The following DACH2 variants were observed in gnomAD, a reference collection of about 807,000 sequenced individuals.
DACH2 encodes the protein dachshund family transcription factor 2.
A neutral mutation model predicts 35.8 loss-of-function variants in DACH2; 17 were observed. The observed-to-expected ratio is 0.48, with a 90% confidence interval of 0.33 to 0.71. The LOEUF is 0.71. Among genes scored for constraint, DACH2 ranks in the 30% least tolerant of loss-of-function variants. The pLI, the probability that DACH2 is intolerant of heterozygous loss-of-function variation, is 0.02. For synonymous variants in DACH2, 195 were observed against 177.3 expected (o/e 1.10, Z -0.79); for missense variants, 469 against 472.7 (o/e 0.99, Z 0.07).
At chrX:86,260,527 A>C (rs1202599850) in intron 1 of DACH2, among the ~76,000 whole-genome samples, 1 of 112,076 alleles carries the variant, frequency 8.9e-6, no homozygotes, top group Non-Finnish European at 1.9e-5. Flanking sequence ...CAAGAAGCAG[A>C]ATTTTTTAAC....
chrX:86,201,950 G>A (rs1212425355), intron 1 of DACH2, among the ~76,000 whole-genome samples: 1 of 110,889 alleles, frequency 9.0e-6, no homozygotes, highest in Non-Finnish European at 1.9e-5. Flanking sequence ...ATATAAAAGG[G>A]GAATTATAAC....
At chrX:86,809,633 C>T (rs1347501973) in intron 7 of DACH2, among the ~76,000 whole-genome samples, 1 of 111,854 alleles carries the variant, frequency 8.9e-6, no homozygotes, top group African/African-American at 3.2e-5. Flanking sequence ...GTGTGAAAAG[C>T]ATGTTTGGTT....
At position 86,148,666 on chromosome X, in the gene DACH2, G is replaced by T. The variant is rs1254860927; in HGVS notation, c.46G>T (p.Ala16Ser). Residue 16 changes from alanine (A) to serine (S), a missense_variant, in exon 1 of 12, where the codon GCC becomes TCC. Physicochemically the swap from Ala to Ser is moderately conservative, Grantham distance 99 (BLOSUM62 1). Transcript: ENST00000373125. Reference protein sequence around the residue: ...SPVISATSSGAGVPGGLFRAE... With the variant: ...SPVISATSSGSGVPGGLFRAE... Reference sequence around the variant, plus strand: ...AGTGATCTCTGCAACTTCCAGCGGCGCCGGCGTCCCGGGGGGCTTATTCCG... The same window carrying T: ...AGTGATCTCTGCAACTTCCAGCGGCTCCGGCGTCCCGGGGGGCTTATTCCG... The T allele has an allele frequency of 2.5e-6, 3 of 1,198,145 alleles. No homozygotes were observed. Among genetic ancestry groups the T allele is most frequent in the Non-Finnish European group, 3.4e-6 (3 of 888,522 alleles).
chrX:86,645,388 G>T (rs1010159133), intron 3 of DACH2, among the ~76,000 whole-genome samples: 4 of 110,050 alleles, frequency 3.6e-5, no homozygotes, highest in South Asian at 3.8e-4. Flanking sequence ...TCATGAAAAA[G>T]AAAAAAAATT....
intron 3 of DACH2, among the ~76,000 whole-genome samples, chrX:86,609,934 CACCCAAG>C (rs908368750): frequency 7.2e-5 from 8 of 111,525 alleles, no homozygotes; most frequent in Non-Finnish European, 3.8e-5. Context: ...CATTGTGTCT[CACCCAAG>C]ACCTGGTGTA....
chrX:86,414,635 A>G (rs2036671056), intron 2 of DACH2, among the ~76,000 whole-genome samples: 1 of 111,368 alleles, frequency 9.0e-6, no homozygotes, highest in African/African-American at 3.3e-5. Context: ...GTAGGTCTAA[A>G]GTGACTAATC....
chrX:86,429,373 T>C (rs2036945830), intron 2 of DACH2, among the ~76,000 whole-genome samples: 1 of 111,063 alleles, frequency 9.0e-6, no homozygotes, highest in Admixed American at 9.6e-5. Flanking sequence ...AATGAACATA[T>C]CTGATTTTGA....
chrX:86,393,053 A>G (rs1168689633), intron 2 of DACH2, among the ~76,000 whole-genome samples: 2 of 110,731 alleles, frequency 1.8e-5, no homozygotes, highest in African/African-American at 6.6e-5. Flanking sequence ...CCAGCCTAAG[A>G]TGTCAATAGT....
chrX:86,617,388 T>C (rs1602704866), intron 3 of DACH2, among the ~76,000 whole-genome samples: 1 of 111,632 alleles, frequency 9.0e-6, no homozygotes, highest in East Asian at 2.8e-4. Flanking sequence ...TTTAATGATG[T>C]TGATTCTTTC....
At position 86,420,759 on chromosome X, in the gene DACH2, C is replaced by A. The variant is rs898843620; in HGVS notation, c.527+43897C>A. ...TTTAAAGAACACAAGAAATTGTAAA[C>A]GTTTAAAGTTATTTGCTTCACTGAG... is the stretch of plus-strand genomic sequence containing the variant. On this transcript the variant is annotated intron_variant, in intron 2 of 11. Coordinates refer to ENST00000373125, the MANE Select transcript of DACH2 (RefSeq NM_053281.3). Among the ~76,000 whole-genome samples, 9 of 110,835 alleles carry A rather than the reference C, an allele frequency of 8.1e-5. No individual in the cohort carries two copies. In the East Asian group the frequency reaches 2.5e-3, roughly 31 times the overall value.
intron 3 of DACH2, among the ~76,000 whole-genome samples, chrX:86,556,974 G>T (rs1602643144): frequency 9.4e-6 from 1 of 106,770 alleles, no homozygotes; most frequent in Non-Finnish European, 1.9e-5. Flanking sequence ...GGGAGCCTAT[G>T]GCATAACTCT....
rs146045263 is a variant in DACH2, at chrX:86,540,309, G to A, written c.640+25918G>A. 9.5e-3 allele frequency among the ~76,000 whole-genome samples: 1,062 copies of A among 111,279 alleles called. 18 individuals carry two copies. The highest frequency in any genetic ancestry group is 0.033 in the African/African-American group (1,017 of 30,663). On this transcript the variant is annotated intron_variant, in intron 3 of 11. Transcript: ENST00000373125. ...GTGGATATTCTTTAGTCTGCAGTGG[G>A]AATACTATGTGAAATGAAATACCAG...
At chrX:86,757,245 A>C (rs1383564567) in intron 7 of DACH2, among the ~76,000 whole-genome samples, 1 of 111,688 alleles carries the variant, frequency 9.0e-6, no homozygotes, top group Non-Finnish European at 1.9e-5. Flanking sequence ...TTGTAGCACT[A>C]TTCATAAGAG....
intron 3 of DACH2, among the ~76,000 whole-genome samples, chrX:86,551,721 C>G (rs1158918350): frequency 8.9e-6 from 1 of 111,895 alleles, no homozygotes; most frequent in African/African-American, 3.2e-5. Context: ...TTTCTTTTCA[C>G]CTCAACATGC....
At chrX:86,288,490 G>T (rs186289647) in intron 1 of DACH2, among the ~76,000 whole-genome samples, 2 of 111,942 alleles carry the variant, frequency 1.8e-5, no homozygotes, top group Non-Finnish European at 3.8e-5. Context: ...TCCCCCAGAC[G>T]CCTGACATAC....
intron 3 of DACH2, among the ~76,000 whole-genome samples, chrX:86,605,746 T>C (rs1376636744): frequency 1.8e-5 from 2 of 109,116 alleles, no homozygotes; most frequent in Non-Finnish European, 3.8e-5. Context: ...TCTTGGATGC[T>C]TTTTTTTTCC....
intron 11 of DACH2, chrX:86,830,988 T>G (rs2042606448): frequency 9.0e-6 from 1 of 111,268 alleles, no homozygotes; most frequent in Non-Finnish European, 1.9e-5. Flanking sequence ...TCCATGGGCT[T>G]CTTGGGAAAA....
chrX:86,449,799 A>G (rs2037337475), intron 2 of DACH2, among the ~76,000 whole-genome samples: 1 of 111,448 alleles, frequency 9.0e-6, no homozygotes, highest in Non-Finnish European at 1.9e-5. Context: ...CCCAGCTTGA[A>G]TCTTTGACAT....
intron 4 of DACH2, among the ~76,000 whole-genome samples, chrX:86,664,432 A>G (rs1054512026): frequency 7.2e-5 from 8 of 111,401 alleles, no homozygotes; most frequent in African/African-American, 2.6e-4. Context: ...GAAAAGCATC[A>G]TGCTGTAAAG....
Sources: gnomAD v4.1 joint callset for allele counts (sites outside exome capture counted in the v4.1 genomes callset) on GRCh38, gnomAD v4.1.1 for gene constraint, MANE v1.5 for transcripts, NCBI Gene and HGNC (gene_info 2026-07-23, HGNC 2026-07-21) for gene names.